Variants in TGFBR3 observed in about 807,000 individuals in gnomAD.
TGFBR3 encodes the protein transforming growth factor beta receptor type 3.
TGFBR3 carries 46 observed loss-of-function variants against 87.9 expected under a neutral mutation model. The observed-to-expected ratio is 0.52, with a 90% CI of 0.41 to 0.67. The LOEUF (loss-of-function observed/expected upper bound fraction) is 0.67. TGFBR3 is among the 30% of genes least tolerant of loss of function. The pLI is 0.00. For missense variants in TGFBR3, 866 were observed against 1,041.9 expected, an observed-to-expected ratio of 0.83 and a Z score of 2.32; for synonymous variants, 381 against 391.6, an observed-to-expected ratio of 0.97 and a Z score of 0.32.
At chr1:91,710,222 A>G (rs1409651339) in intron 13 of TGFBR3, among the ~76,000 whole-genome samples, 3 of 152,194 alleles carry the variant, frequency 2.0e-5, no homozygotes, top group African/African-American at 7.2e-5. Context: ...TCTGAGCAAC[A>G]TGCCAGTCAG....
chr1:91,797,469 G>A lies in TGFBR3; in HGVS notation c.64C>T (p.Pro22Ser), dbSNP rs1675436502. ...LMSSCLATAG[P>S]EPGALCELSP... ...AGTTCACACAGTGCACCAGGCTCTG[G>A]ACCTGCCAAGGGAATCACAAACACA... is the stretch of plus-strand genomic sequence containing the variant. The change falls in exon 3 of 17, where the codon CCA (proline) becomes TCA (serine). Residue 22 changes from proline to serine, a missense_variant and splice_region_variant. Physicochemically the swap from Pro to Ser is moderately conservative, Grantham distance 74 (BLOSUM62 -1). Coordinates refer to ENST00000212355, the MANE Select transcript of TGFBR3 (RefSeq NM_003243.5). 1.9e-6 allele frequency: 3 copies of A among 1,614,070 alleles called. No individual in the cohort carries two copies. The highest frequency in any genetic ancestry group is 2.5e-6 in the Non-Finnish European group (3 of 1,180,038).
intron 3 of TGFBR3, among the ~76,000 whole-genome samples, chr1:91,759,571 A>C (rs2100898398): frequency 6.6e-6 from 1 of 152,304 alleles, no homozygotes; most frequent in South Asian, 2.1e-4. Flanking sequence ...ACATGAGCCC[A>C]GGGCAACATG....
At chr1:91,707,679 A>G (rs1205403871) in intron 14 of TGFBR3, among the ~76,000 whole-genome samples, 1 of 152,124 alleles carries the variant, frequency 6.6e-6, no homozygotes, top group Non-Finnish European at 1.5e-5. Flanking sequence ...TGTAGCTCTA[A>G]TCCTGAAATA....
chr1:91,853,036 G>A (rs545540520), intron 2 of TGFBR3, among the ~76,000 whole-genome samples: 10 of 151,728 alleles, frequency 6.6e-5, no homozygotes, highest in South Asian at 2.1e-4. Flanking sequence ...GCGTGCACCC[G>A]TAGTCCCAGC....
intron 2 of TGFBR3, among the ~76,000 whole-genome samples, chr1:91,810,918 T>C (rs1019680608): frequency 1.3e-5 from 2 of 152,190 alleles, no homozygotes; most frequent in African/African-American, 4.8e-5. Context: ...AGCACTTAGC[T>C]AAAGGAAACT....
At chr1:91,875,780 C>CGGGGGGGGG (rs1204497451) in intron 1 of TGFBR3, among the ~76,000 whole-genome samples, 1 of 6,892 alleles carries the variant, frequency 1.5e-4, no homozygotes. Flanking sequence ...CCCAGCTACT[C>CGGGGGGGGG]GGGCGGGGGG....
intron 14 of TGFBR3, among the ~76,000 whole-genome samples, chr1:91,704,444 T>G (rs370055032): frequency 5.9e-5 from 9 of 151,974 alleles, no homozygotes; most frequent in Non-Finnish European, 8.8e-5. Context: ...AGAATCAACC[T>G]CCATCTGGAA....
At position 91,716,341 on chromosome 1, in the gene TGFBR3, G is replaced by A; in HGVS notation, c.1761C>T (p.Pro587=). The A allele has an allele frequency of 3.1e-6, 5 of 1,614,166 alleles. No homozygotes were observed. Among genetic ancestry groups the A allele is most frequent in the South Asian group, 1.1e-5 (1 of 91,084 alleles). Residue 587 remains proline (P), a synonymous_variant, in exon 12 of 17, where the codon CCC becomes CCT. Coordinates refer to ENST00000212355, the MANE Select transcript of TGFBR3 (RefSeq NM_003243.5). The part of the protein sequence containing the change: ...VRNPSSFQEQ[P]HGNITFNMEL... ...CCATGTTGAAGGTGATGTTTCCGTG[G>A]GGCTGTTCCTGGAAGCTGCTGGGGT...
chr1:91,799,226 T>C (rs547879599), intron 2 of TGFBR3, among the ~76,000 whole-genome samples: 1 of 152,202 alleles, frequency 6.6e-6, no homozygotes, highest in Non-Finnish European at 1.5e-5. Context: ...TTACAGAAAT[T>C]ATCTAGGCTG....
At chr1:91,866,073 G>C (rs1030502774) in intron 1 of TGFBR3, among the ~76,000 whole-genome samples, 1 of 152,134 alleles carries the variant, frequency 6.6e-6, no homozygotes, top group East Asian at 1.9e-4. Flanking sequence ...ACCCAACAGA[G>C]TGCACAGGTA....
At position 91,802,424 on chromosome 1, in the gene TGFBR3, G is replaced by A. The variant is rs142234824; in HGVS notation, c.62-4953C>T. Among the ~76,000 whole-genome samples the A allele has an allele frequency of 1.5e-3, 234 of 151,150 alleles. 1 individual carries two copies. The highest frequency in any genetic ancestry group is 5.5e-3 in the African/African-American group (226 of 41,098). ...CGTCCAGGCGAGAGGGCAGTGACGC[G>A]CTCTCAGCTCACTGCAGCCTCCACT... On this transcript the variant is annotated intron_variant, in intron 2 of 16. Coordinates refer to ENST00000212355, the MANE Select transcript of TGFBR3 (RefSeq NM_003243.5).
chr1:91,899,218 A>G (rs964450536), intron 2 of TGFBR3, among the ~76,000 whole-genome samples: 1 of 152,332 alleles, frequency 6.6e-6, no homozygotes, highest in Admixed American at 6.5e-5. Flanking sequence ...TCCACAATGT[A>G]TACATCTATC....
intron 7 of TGFBR3, among the ~76,000 whole-genome samples, chr1:91,724,515 C>T (rs12751148): frequency 0.33 from 50,090 of 152,052 alleles, 8,568 homozygotes; most frequent in South Asian, 0.39. Context: ...CCTTTTGCAC[C>T]AATGTGGAAT....
intron 3 of TGFBR3, among the ~76,000 whole-genome samples, chr1:91,792,327 A>C (rs1358794794): frequency 3.9e-5 from 6 of 152,144 alleles, no homozygotes; most frequent in Non-Finnish European, 5.9e-5. Context: ...GAGCTTTTTG[A>C]CGGGTGAAGT....
At chr1:91,711,003 G>A (rs1671961715) in intron 13 of TGFBR3, among the ~76,000 whole-genome samples, 1 of 152,154 alleles carries the variant, frequency 6.6e-6, no homozygotes, top group African/African-American at 2.4e-5. Context: ...AACAGCCAAA[G>A]CCACAGCAAA....
chr1:91,722,519 A>G (rs1302078143), intron 7 of TGFBR3, among the ~76,000 whole-genome samples: 1 of 152,068 alleles, frequency 6.6e-6, no homozygotes, highest in Non-Finnish European at 1.5e-5. Flanking sequence ...ACTTAAAATG[A>G]CATATAAAGT....
chr1:91,835,990 G>A (rs963689729), intron 2 of TGFBR3, among the ~76,000 whole-genome samples: 2 of 151,688 alleles, frequency 1.3e-5, no homozygotes, highest in African/African-American at 4.8e-5. Context: ...GTTCATGCCC[G>A]TAATCCCAGC....
chr1:91,693,867 T>C (rs1457158103), intron 16 of TGFBR3, among the ~76,000 whole-genome samples: 1 of 152,232 alleles, frequency 6.6e-6, no homozygotes, highest in African/African-American at 2.4e-5. Context: ...TCGGTATTCC[T>C]GCGACAAAAT....
At chr1:91,797,934 A>G (rs1675448768) in intron 2 of TGFBR3, among the ~76,000 whole-genome samples, 1 of 152,224 alleles carries the variant, frequency 6.6e-6, no homozygotes, top group Non-Finnish European at 1.5e-5. Context: ...ACTTAAGAAC[A>G]ATACAGAGCA....
Sources: gnomAD v4.1 joint callset for allele counts (sites outside exome capture counted in the v4.1 genomes callset) on GRCh38, gnomAD v4.1.1 for gene constraint, MANE v1.5 for transcripts, NCBI Gene and HGNC (gene_info 2026-07-23, HGNC 2026-07-21) for gene names.